OR2M2: variants seen among roughly 807,000 people sequenced by gnomAD.
OR2M2 encodes olfactory receptor family 2 subfamily M member 2.
For missense variants in OR2M2, 467 were observed against 429.9 expected (o/e 1.09, Z -0.76); for synonymous variants, 168 against 151.7 (o/e 1.11, Z -0.79).
rs766252365 is a variant in OR2M2, at chr1:248,180,080, T to A, written c.95T>A (p.Leu32Gln). The change falls in exon 2 of 2, where the codon CTG becomes CAG. Residue 32 changes from leucine to glutamine, a missense_variant. By Grantham distance (113) the Leu-to-Gln change is moderately radical (BLOSUM62 -2). Coordinates refer to ENST00000641836, the MANE Select transcript of OR2M2 (RefSeq NM_001004688.2). ...CACACGTTCCTCTTCTTTCTGGTCC[T>A]GGGCATCTTTTTAGTGGCCTTCATG... The part of the protein sequence containing the change: ...PPHTFLFFLV[L>Q]GIFLVAFMGN... The A allele has an allele frequency of 2.3e-5, 37 of 1,613,974 alleles. 1 individual carries two copies. The highest frequency in any genetic ancestry group is 3.1e-5 in the Non-Finnish European group (37 of 1,179,980).
chr1:248,177,410 A>G (rs1665867719), intron 1 of OR2M2, among the ~76,000 whole-genome samples: 1 of 152,146 alleles, frequency 6.6e-6, no homozygotes, highest in South Asian at 2.1e-4. Flanking sequence ...TAAGCTAACT[A>G]GACCAGATAG....
rs567447919 is a variant in OR2M2 at position 248,177,288 on chromosome 1, T to C, written c.-19+2417T>C. ...GAGTTTAAAACATATGTCGTAGAAA[T>C]GTCTAAAAGGTAGAATAGAATTACT... On this transcript the variant is annotated intron_variant, in intron 1 of 1. Transcript: ENST00000641836. Among the ~76,000 whole-genome samples, 6 of 152,230 alleles carry C rather than the reference T, an allele frequency of 3.9e-5. No homozygotes were observed. In the East Asian group the frequency reaches 1.2e-3, roughly 29 times the overall value.
intron 1 of OR2M2, among the ~76,000 whole-genome samples, chr1:248,179,026 A>G (rs1420136338): frequency 6.6e-6 from 1 of 152,220 alleles, no homozygotes; most frequent in African/African-American, 2.4e-5. Context: ...GATTTCAGAA[A>G]TCTGAAATCA....
chr1:248,179,406 C>T (rs750717316), intron 1 of OR2M2, among the ~76,000 whole-genome samples: 2 of 152,180 alleles, frequency 1.3e-5, no homozygotes, highest in Non-Finnish European at 2.9e-5. Flanking sequence ...TTTAGATATG[C>T]ATAATTGAAA....
At position 248,180,395 on chromosome 1, in the gene OR2M2, A is replaced by G. The variant is rs2103007414; in HGVS notation, c.410A>G (p.Asn137Ser). The part of the protein sequence containing the change: ...CHPLRYTNLM[N>S]PKICGLMATF... ...CCTCTAAGATATACCAATCTCATGA[A>G]TCCTAAAATTTGTGGACTTATGGCT... Residue 137 changes from asparagine (N) to serine (S), a missense_variant, in exon 2 of 2, where the codon AAT becomes AGT. Asn to Ser is a conservative substitution (Grantham distance 46, BLOSUM62 1). Coordinates refer to ENST00000641836, the MANE Select transcript of OR2M2 (RefSeq NM_001004688.2). 1 of 1,614,066 alleles carries G rather than the reference A, an allele frequency of 6.2e-7. No individual in the cohort carries two copies. The highest frequency in any genetic ancestry group is 8.5e-7 in the Non-Finnish European group (1 of 1,180,012).
intron 1 of OR2M2, among the ~76,000 whole-genome samples, chr1:248,176,580 A>G (rs1665858874): frequency 6.6e-6 from 1 of 152,120 alleles, no homozygotes; most frequent in South Asian, 2.1e-4. Context: ...ATAAAAAACA[A>G]GATGTCATAA....
chr1:248,180,118 A>G lies in OR2M2; in HGVS notation c.133A>G (p.Met45Val), dbSNP rs1665909551. The G allele has an allele frequency of 6.2e-7, 1 of 1,613,978 alleles. No individual in the cohort carries two copies. The highest frequency in any genetic ancestry group is 8.5e-7 in the Non-Finnish European group (1 of 1,179,988). ...AGTGGCCTTCATGGGAAACTCTGTC[A>G]TGGTTCTCCTCATCTACCTGGACAC... is the stretch of plus-strand genomic sequence containing the variant. ...FLVAFMGNSV[M>V]VLLIYLDTQL... The change falls in exon 2 of 2, where the codon ATG becomes GTG. Residue 45 changes from methionine to valine, a missense_variant. Transcript: ENST00000641836.
At position 248,180,859 on chromosome 1, in the gene OR2M2, C is replaced by G; in HGVS notation, c.874C>G (p.Leu292Val). 6.2e-7 allele frequency: 1 copy of G among 1,614,048 alleles called. No individual in the cohort carries two copies. Among genetic ancestry groups the G allele is most frequent in the Non-Finnish European group, 8.5e-7 (1 of 1,179,988 alleles). Reference sequence around the variant, plus strand: ...CATGCTGAATCCCCTCATCTACAGCCTCCGCAACAAGGAGGTGACTAGAGC... The same window carrying G: ...CATGCTGAATCCCCTCATCTACAGCGTCCGCAACAAGGAGGTGACTAGAGC... ...TPMLNPLIYS[L>V]RNKEVTRAFM... is the part of the protein sequence containing the mutation. Residue 292 changes from leucine (L) to valine (V), a missense_variant, in exon 2 of 2, where the codon CTC (leucine) becomes GTC (valine). Leu to Val is a conservative substitution (Grantham distance 32). Coordinates refer to ENST00000641836, the MANE Select transcript of OR2M2 (RefSeq NM_001004688.2).
In OR2M2 at chr1:248,180,671, G is replaced by C. The variant is rs1019556879; in HGVS notation, c.686G>C (p.Gly229Ala). 4.6e-5 allele frequency: 74 copies of C among 1,612,258 alleles called. No individual in the cohort carries two copies. Among genetic ancestry groups the C allele is most frequent in the Non-Finnish European group, 6.3e-5 (74 of 1,179,850 alleles). Residue 229 changes from glycine (G) to alanine (A), a missense_variant, in exon 2 of 2, where the codon GGA (glycine) becomes GCA (alanine). Coordinates refer to ENST00000641836, the MANE Select transcript of OR2M2 (RefSeq NM_001004688.2). ...ARVILAVIHM[G>A]SGEGRCKAFT... ...GTTATTCTGGCTGTCATTCACATGGGATCTGGAGAGGGTCGTTGCAAAGCT... is the reference window on the plus strand; with the variant it reads ...GTTATTCTGGCTGTCATTCACATGGCATCTGGAGAGGGTCGTTGCAAAGCT...
At chr1:248,179,216 C>T (rs937623547) in intron 1 of OR2M2, among the ~76,000 whole-genome samples, 1 of 152,114 alleles carries the variant, frequency 6.6e-6, no homozygotes, top group African/African-American at 2.4e-5. Context: ...TTCACATGGC[C>T]ACTGTCTTAT....
Position 248,179,304 on chromosome 1 carries a change from C to T in OR2M2, c.-18-664C>T, listed in dbSNP as rs769687135. Among the ~76,000 whole-genome samples the T allele has an allele frequency of 1.1e-4, 17 of 152,208 alleles. No individual in the cohort carries two copies. The South Asian group carries it at 2.5e-3, about 22-fold the overall frequency. On this transcript the variant is annotated intron_variant, in intron 1 of 1. Transcript: ENST00000641836. ...TCACATTAACTAATTACCGTCTTTA[C>T]GTATTTCCAAACAAGCTCACACGCT...
In OR2M2 at chr1:248,179,969, T is replaced by C; in HGVS notation, c.-17T>C. 1 of 1,597,982 alleles carries C rather than the reference T, an allele frequency of 6.3e-7. No homozygotes were observed. Among genetic ancestry groups the C allele is most frequent in the Non-Finnish European group, 8.5e-7 (1 of 1,171,788 alleles). On this transcript the variant is annotated splice_region_variant and 5_prime_UTR_variant, in exon 2 of 2. Coordinates refer to ENST00000641836, the MANE Select transcript of OR2M2 (RefSeq NM_001004688.2). ...AATAAGATGGTTTTGTGGTACTAGG[T>C]AAAAAGCACATTCATCATGGCATGG...
Position 248,180,802 on chromosome 1 carries a change from A to T in OR2M2, c.817A>T (p.Met273Leu), listed in dbSNP as rs142714055. Residue 273 changes from methionine to leucine, a missense_variant, in exon 2 of 2, where the codon ATG becomes TTG. By Grantham distance (15) the Met-to-Leu change is conservative. Transcript: ENST00000641836. ...TGATCACTCCCCAACGCAGGACAAG[A>T]TGGTGTCTGTATTCTACACCATCCT... is the stretch of plus-strand genomic sequence containing the variant. ...TSDHSPTQDKMVSVFYTILTP... is the reference protein window; with the variant it reads ...TSDHSPTQDKLVSVFYTILTP... 3.7e-6 allele frequency: 6 copies of T among 1,613,898 alleles called. No homozygotes were observed. The highest frequency in any genetic ancestry group is 5.1e-6 in the Non-Finnish European group (6 of 1,179,886).
At chr1:248,178,759 C>A (rs886775399) in intron 1 of OR2M2, among the ~76,000 whole-genome samples, 3 of 152,194 alleles carry the variant, frequency 2.0e-5, no homozygotes. Flanking sequence ...TAGTCATCAT[C>A]TGATCGCACT....
At position 248,180,149 on chromosome 1, in the gene OR2M2, T is replaced by C. The variant is rs1558246257; in HGVS notation, c.164T>C (p.Leu55Pro). 1 of 1,614,070 alleles carries C rather than the reference T, an allele frequency of 6.2e-7. No individual in the cohort carries two copies. Among genetic ancestry groups the C allele is most frequent in the East Asian group, 2.2e-5 (1 of 44,878 alleles). Residue 55 changes from leucine (L) to proline (P), a missense_variant, in exon 2 of 2, where the codon CTC (leucine) becomes CCC (proline). Transcript: ENST00000641836. Reference protein sequence around the residue: ...MVLLIYLDTQLHTPMYFLLSQ... With the variant: ...MVLLIYLDTQPHTPMYFLLSQ... ...CTCCTCATCTACCTGGACACCCAGC[T>C]CCACACCCCCATGTACTTCCTCCTC... is the stretch of plus-strand genomic sequence containing the variant.
At chr1:248,176,771 C>T (rs1301303311) in intron 1 of OR2M2, among the ~76,000 whole-genome samples, 2 of 152,058 alleles carry the variant, frequency 1.3e-5, no homozygotes, top group African/African-American at 4.8e-5. Flanking sequence ...ATTTTACCTT[C>T]ACTGCATTTT....
At chr1:248,177,188 A>T (rs1267589172) in intron 1 of OR2M2, among the ~76,000 whole-genome samples, 2 of 152,128 alleles carry the variant, frequency 1.3e-5, no homozygotes, top group Non-Finnish European at 2.9e-5. Context: ...AAACTAATGT[A>T]ACTGAGAAAA....
At chr1:248,175,075 A>G (rs1665844745) in intron 1 of OR2M2, among the ~76,000 whole-genome samples, 1 of 152,180 alleles carries the variant, frequency 6.6e-6, no homozygotes, top group Non-Finnish European at 1.5e-5. Context: ...CCCGCTTACC[A>G]ATGTGAAAGA....
At chr1:248,177,312 C>T (rs1455309325) in intron 1 of OR2M2, among the ~76,000 whole-genome samples, 1 of 152,058 alleles carries the variant, frequency 6.6e-6, no homozygotes, top group African/African-American at 2.4e-5. Flanking sequence ...AATAGAATTA[C>T]TCAACATTTT....
Sources: gnomAD v4.1 joint callset for allele counts (sites outside exome capture counted in the v4.1 genomes callset) on GRCh38, gnomAD v4.1.1 for gene constraint, MANE v1.5 for transcripts, NCBI Gene and HGNC (gene_info 2026-07-23, HGNC 2026-07-21) for gene names.